The following GRIN2B variants were observed in gnomAD, a reference collection of about 807,000 sequenced individuals.
GRIN2B encodes glutamate ionotropic receptor NMDA type subunit 2B, also known as glutamate receptor ionotropic, NMDA 2B.
Under a neutral mutation model 114.5 loss-of-function variants are expected in GRIN2B, and 5 were observed. That is an observed-to-expected ratio of 0.04 (90% CI 0.02 to 0.09). The LOEUF is 0.09. Ranked by LOEUF, GRIN2B falls within the 10% of genes least tolerant of loss-of-function variation. GRIN2B has a pLI of 1.00. For missense variants in GRIN2B, 1,108 were observed against 1,943.5 expected (o/e 0.57, Z 8.08); for synonymous variants, 787 against 745.1 (o/e 1.06, Z -0.92).
At chr12:13,641,122 C>A (rs1173435036) in intron 5 of GRIN2B, among the ~76,000 whole-genome samples, 1 of 151,600 alleles carries the variant, frequency 6.6e-6, no homozygotes, top group Non-Finnish European at 1.5e-5. Flanking sequence ...CTCTGTCACC[C>A]AGACGGTGGC....
chr12:13,809,293 G>A (rs1864682031), intron 3 of GRIN2B, among the ~76,000 whole-genome samples: 1 of 152,152 alleles, frequency 6.6e-6, no homozygotes, highest in Non-Finnish European at 1.5e-5. Flanking sequence ...ACAAGGTGTG[G>A]TAGGAAGACC....
At chr12:13,869,248 T>C (rs905844295) in intron 2 of GRIN2B, among the ~76,000 whole-genome samples, 10 of 149,304 alleles carry the variant, frequency 6.7e-5, no homozygotes, top group African/African-American at 2.5e-4. Flanking sequence ...TTTCTTTTTT[T>C]TTTTTTTTTT....
intron 3 of GRIN2B, among the ~76,000 whole-genome samples, chr12:13,862,577 G>A (rs536997769): frequency 1.7e-4 from 26 of 152,024 alleles, no homozygotes; most frequent in Admixed American, 1.6e-3. Flanking sequence ...CTATTCCCCT[G>A]TTGTTGATTA....
chr12:13,553,199 G>A lies in GRIN2B; in HGVS notation c.*9584C>T, dbSNP rs1279360566. 1 of 152,304 alleles carries A rather than the reference G, an allele frequency of 6.6e-6. No homozygotes were observed. The highest frequency in any genetic ancestry group is 1.5e-5 in the Non-Finnish European group (1 of 68,114). 9.4% of individuals were successfully genotyped at this position (152,304 alleles called of 1,614,324 possible). Reference sequence around the variant, plus strand: ...AGATTGCTAAGTAGAGCCAAGAGAGGAGGAGGAAGGGTTAACAGGGCTTCA... The same window carrying A: ...AGATTGCTAAGTAGAGCCAAGAGAGAAGGAGGAAGGGTTAACAGGGCTTCA... On this transcript the variant is annotated 3_prime_UTR_variant, in exon 14 of 14. Coordinates refer to ENST00000609686, the MANE Select transcript of GRIN2B (RefSeq NM_000834.5).
At chr12:13,666,645 A>T (rs1949978915) in intron 5 of GRIN2B, among the ~76,000 whole-genome samples, 3 of 152,120 alleles carry the variant, frequency 2.0e-5, no homozygotes, top group African/African-American at 7.2e-5. Context: ...GGCAGAGTTA[A>T]CATGCCAAGG....
At chr12:13,823,643 A>T (rs1387212712) in intron 3 of GRIN2B, among the ~76,000 whole-genome samples, 3 of 151,954 alleles carry the variant, frequency 2.0e-5, no homozygotes, top group Non-Finnish European at 4.4e-5. Flanking sequence ...TCAATATTCT[A>T]TTTCTTTTTT....
At position 13,551,979 on chromosome 12, in the gene GRIN2B, A is replaced by C. The variant is rs1032250133; in HGVS notation, c.*10804T>G. On this transcript the variant is annotated 3_prime_UTR_variant, in exon 14 of 14. Coordinates refer to ENST00000609686, the MANE Select transcript of GRIN2B (RefSeq NM_000834.5). ...TGTTTTGTTTCATTTCGAAAAAAAA[A>C]CAATCCCCTCTGGAAACAGGTAATA... The C allele has an allele frequency of 2.6e-5, 4 of 152,174 alleles. No homozygotes were observed. The highest frequency in any genetic ancestry group is 5.9e-5 in the Non-Finnish European group (4 of 68,028). 9.4% of individuals were successfully genotyped at this position (152,174 alleles called of 1,614,324 possible).
At chr12:13,909,447 C>G (rs979705671) in intron 2 of GRIN2B, among the ~76,000 whole-genome samples, 20 of 152,308 alleles carry the variant, frequency 1.3e-4, no homozygotes, top group South Asian at 4.2e-4. Flanking sequence ...GACGTAGAAC[C>G]TGAATGTACG....
chr12:13,615,856 C>T lies in GRIN2B; in HGVS notation c.1329-192G>A, dbSNP rs1949432536. On this transcript the variant is annotated intron_variant, in intron 6 of 13. Transcript: ENST00000609686. This position sits in a 1 kb window ranked among gnomAD's most constrained non-coding sequence, Gnocchi z 5.8. ...ACCTGCAATATTCTCATTATCTCGT[C>T]ATATTGAGATATGTTTCCTCTTAAT... Among the ~76,000 whole-genome samples the T allele has an allele frequency of 6.6e-6, 1 of 152,136 alleles. No homozygotes were observed. Among genetic ancestry groups the T allele is most frequent in the African/African-American group, 2.4e-5 (1 of 41,412 alleles).
At chr12:13,572,342 A>G (rs528892369) in intron 10 of GRIN2B, among the ~76,000 whole-genome samples, 1 of 152,332 alleles carries the variant, frequency 6.6e-6, no homozygotes, top group East Asian at 1.9e-4. Context: ...AAAAATATGT[A>G]AAATCTGTAT....
At chr12:13,586,673 C>A (rs1243249734) in intron 10 of GRIN2B, among the ~76,000 whole-genome samples, 2 of 152,188 alleles carry the variant, frequency 1.3e-5, no homozygotes, top group East Asian at 3.9e-4. Context: ...TTACTCAGTT[C>A]TCTTCTGAAA....
chr12:13,951,908 AAAAG>A (rs1413828524), intron 2 of GRIN2B, among the ~76,000 whole-genome samples: 2 of 152,156 alleles, frequency 1.3e-5, no homozygotes, highest in Non-Finnish European at 2.9e-5. Context: ...AGAGGGGAGA[AAAAG>A]AAAGAAAAAG....
chr12:13,964,699 G>T (rs949033044), intron 2 of GRIN2B, among the ~76,000 whole-genome samples: 4 of 152,190 alleles, frequency 2.6e-5, no homozygotes, highest in African/African-American at 9.7e-5. Context: ...CATTCATTTT[G>T]GGAATTGCTG....
intron 2 of GRIN2B, among the ~76,000 whole-genome samples, chr12:13,934,967 A>G (rs1434041483): frequency 1.3e-5 from 2 of 152,220 alleles, no homozygotes; most frequent in East Asian, 1.9e-4. Context: ...TTGTTGTCTT[A>G]TTTCTCCTGT....
At chr12:13,675,716 G>T in intron 5 of GRIN2B, 29 bp downstream of exon 5, 2 of 1,321,320 alleles carry the variant, frequency 1.5e-6, no homozygotes, top group Non-Finnish European at 2.2e-6. Flanking sequence ...ACTCTACTTT[G>T]CTCAAGAATT....
chr12:13,643,836 C>T (rs985376386), intron 5 of GRIN2B, among the ~76,000 whole-genome samples: 1 of 152,080 alleles, frequency 6.6e-6, no homozygotes, highest in Non-Finnish European at 1.5e-5. Flanking sequence ...GAATCAACTC[C>T]TCATTTCCTC....
chr12:13,683,024 G>A (rs772947831), intron 4 of GRIN2B, among the ~76,000 whole-genome samples: 4 of 152,138 alleles, frequency 2.6e-5, no homozygotes, highest in Non-Finnish European at 5.9e-5. Context: ...AGAATTTTAA[G>A]GAGTTCTGTC....
At chr12:13,875,979 T>C (rs1011161102) in intron 2 of GRIN2B, among the ~76,000 whole-genome samples, 15 of 152,136 alleles carry the variant, frequency 9.9e-5, no homozygotes, top group Non-Finnish European at 4.4e-5. Flanking sequence ...GAAATTACAG[T>C]ATCATGTGAG....
At chr12:13,566,260 G>C (rs1948638054) in intron 13 of GRIN2B, among the ~76,000 whole-genome samples, 1 of 152,160 alleles carries the variant, frequency 6.6e-6, no homozygotes, top group Admixed American at 6.5e-5. Context: ...AAGTTGGTTG[G>C]CCATATCTGG....
Sources: gnomAD v4.1 joint callset for allele counts (sites outside exome capture counted in the v4.1 genomes callset) on GRCh38, gnomAD v4.1.1 for gene constraint, Gnocchi (gnomAD v3.1) non-coding constraint, MANE v1.5 for transcripts, NCBI Gene and HGNC (gene_info 2026-07-23, HGNC 2026-07-21) for gene names.